SLC39A4: variants seen among roughly 807,000 people sequenced by gnomAD.
SLC39A4 encodes zinc transporter ZIP4.
Under a neutral mutation model 56.6 loss-of-function variants are expected in SLC39A4, and 49 were observed. The ratio of observed to expected loss-of-function variants is 0.87; its 90% CI spans 0.69 to 1.10. The LOEUF (loss-of-function observed/expected upper bound fraction) is 1.10. Among genes scored for constraint, SLC39A4 ranks in the 50% least tolerant of loss-of-function variants. The pLI, the probability that SLC39A4 is intolerant of heterozygous loss-of-function variation, is 0.00. For synonymous variants in SLC39A4, 540 were observed against 420.4 expected (o/e 1.28, Z -3.48); for missense variants, 993 against 864.2 (o/e 1.15, Z -1.87).
intron 6 of SLC39A4, 60 bp downstream of exon 6, chr8:144,414,192 TGGGAGGGCAC>T: frequency 2.5e-6 from 4 of 1,580,374 alleles, no homozygotes; most frequent in African/African-American, 1.3e-5. Context: ...GTAAGGTCCC[TGGGAGGGCAC>T]GGCCTGGGAG....
In SLC39A4 at chr8:144,413,340, G is replaced by C; in HGVS notation, c.1524C>G (p.Asn508Lys). Residue 508 changes from asparagine to lysine, a missense_variant, in exon 10 of 12, where the codon AAC becomes AAG. Asn to Lys is a moderately conservative substitution (Grantham distance 94). Transcript: ENST00000301305. ...CGCCCACGGCCAGCCCGTCGGCGAA[G>C]TTGTGCACGGCGTCGCCCAGAGTGA... ...YMITLGDAVHNFADGLAVGAA... is the reference protein window; with the variant it reads ...YMITLGDAVHKFADGLAVGAA... 2 of 1,606,860 alleles carry C rather than the reference G, an allele frequency of 1.2e-6. No individual in the cohort carries two copies. Among genetic ancestry groups the C allele is most frequent in the Non-Finnish European group, 8.5e-7 (1 of 1,179,388 alleles).
rs1267985765 is a variant in SLC39A4, at chr8:144,416,019, C to T, written c.265G>A (p.Glu89Lys). 2.5e-6 allele frequency: 4 copies of T among 1,579,600 alleles called. No homozygotes were observed. The Admixed American group carries it at 5.3e-5, about 21-fold the overall frequency. The stretch of plus-strand genomic sequence containing the variant: ...CTGAGGCGGGCGACGTACCTGGCCT[C>T]CAGGACCGGGCCCGGGGGCAGCCCT... Reference protein sequence around the residue: ...GSGLPPGPVLEARYVARLSAA... With the variant: ...GSGLPPGPVLKARYVARLSAA... The change falls in exon 2 of 12, where the codon GAG becomes AAG. Residue 89 changes from glutamate (E) to lysine (K), a missense_variant. Transcript: ENST00000301305.
At chr8:144,415,569 A>C in intron 2 of SLC39A4, 150 bp from the exon 3 acceptor site, 1 of 1,159,074 alleles carries the variant, frequency 8.6e-7, no homozygotes, top group Non-Finnish European at 1.2e-6. Context: ...TGCCGGGCCC[A>C]GCTGCTTCAG....
In SLC39A4 at chr8:144,415,886, G is replaced by C. The variant is rs2130802308; in HGVS notation, c.398C>G (p.Pro133Arg). The C allele has an allele frequency of 6.3e-7, 1 of 1,596,242 alleles. No homozygotes were observed. The highest frequency in any genetic ancestry group is 1.3e-5 in the African/African-American group (1 of 74,876). ...GCTCAGGCCCGGGGTCAGGGCCTTG[G>C]GGCTCTCGAGCAGGGCCAGGAGGTG... The part of the protein sequence containing the change: ...ADHLLALLES[P>R]KALTPGLSWL... Residue 133 changes from proline (P) to arginine (R), a missense_variant, in exon 2 of 12, where the codon CCC becomes CGC. Coordinates refer to ENST00000301305, the MANE Select transcript of SLC39A4 (RefSeq NM_130849.4).
chr8:144,416,205 C>A lies in SLC39A4; in HGVS notation c.193-114G>T, dbSNP rs1481864871. On this transcript the variant is annotated intron_variant, in intron 1 of 11. Coordinates refer to ENST00000301305, the MANE Select transcript of SLC39A4 (RefSeq NM_130849.4). The stretch of plus-strand genomic sequence containing the variant: ...TCCCTTTCAAGTCCAACAACGTCCA[C>A]CATCCTCTCTCAACCCCTGGCGCCC... The A allele has an allele frequency of 1.9e-6, 3 of 1,593,076 alleles. No individual in the cohort carries two copies. The highest frequency in any genetic ancestry group is 2.6e-6 in the Non-Finnish European group (3 of 1,176,464).
rs781881640 is a variant in SLC39A4, at chr8:144,416,607, C to T, written c.183G>A (p.Pro61=). 1.8e-5 allele frequency: 29 copies of T among 1,586,886 alleles called. No homozygotes were observed. The highest frequency in any genetic ancestry group is 1.3e-4 in the Admixed American group (7 of 55,382). ...LADRVHCANG[P]CGKCLSVEDA... The stretch of plus-strand genomic sequence containing the variant: ...CGGGTGGGGCTGTTACCTTTCCACA[C>T]GGCCCGTTGGCGCAGTGCACACGGT... Residue 61 remains proline (P), a synonymous_variant, in exon 1 of 12, where the codon CCG becomes CCA. Coordinates refer to ENST00000301305, the MANE Select transcript of SLC39A4 (RefSeq NM_130849.4).
intron 10 of SLC39A4, 91 bp from the exon 11 acceptor site, chr8:144,413,037 G>GCCCA: frequency 3.3e-6 from 4 of 1,213,144 alleles, no homozygotes; most frequent in Non-Finnish European, 4.3e-6. Context: ...ACCAGGCCCC[G>GCCCA]CCCACCTGTT....
rs781883858 is a variant in SLC39A4 at position 144,412,529 on chromosome 8, G to A, written c.*9C>T. The A allele has an allele frequency of 2.5e-6, 4 of 1,614,148 alleles. No individual in the cohort carries two copies. Among genetic ancestry groups the A allele is most frequent in the East Asian group, 4.5e-5 (2 of 44,886 alleles). ...TCTTAAGTCAAAGGTGGGGGACTAG[G>A]GCAGGGTATCAGAAGGTGATGTCAT... On this transcript the variant is annotated 3_prime_UTR_variant, in exon 12 of 12. Transcript: ENST00000301305.
intron 10 of SLC39A4, 38 bp from the exon 11 acceptor site, chr8:144,412,984 G>A (rs1821955252): frequency 6.4e-7 from 1 of 1,553,124 alleles, no homozygotes; most frequent in South Asian, 1.2e-5. Context: ...CGCCCTCCTA[G>A]CTACATGCCC....
intron 5 of SLC39A4, 94 bp from the exon 6 acceptor site, chr8:144,414,528 G>A: frequency 1.3e-6 from 2 of 1,532,240 alleles, no homozygotes; most frequent in Non-Finnish European, 1.8e-6. Flanking sequence ...CCGTCAGTGT[G>A]GGCCAGGCCC....
In SLC39A4 at chr8:144,416,731, GCCGTCA is replaced by G. The variant is rs1564711852; in HGVS notation, c.53_58del (p.Val18_Thr19del). The stretch of plus-strand genomic sequence containing the variant: ...CAGACCAGCAGGCGGGGACGCCGTC[GCCGTCA>G]CCACCAGCACAGCCAGAAGCAGCCC... On this transcript the variant is annotated inframe_deletion, in exon 1 of 12. Transcript: ENST00000301305. 1.2e-6 allele frequency: 2 copies of G among 1,612,342 alleles called. No homozygotes were observed. Among genetic ancestry groups the G allele is most frequent in the African/African-American group, 2.7e-5 (2 of 74,914 alleles).
At chr8:144,414,505 C>T (rs1330784542) in intron 5 of SLC39A4, 71 bp from the exon 6 acceptor site, 1 of 1,544,550 alleles carries the variant, frequency 6.5e-7, no homozygotes, top group Non-Finnish European at 8.7e-7. Context: ...GCGCTGCTCA[C>T]CAGAGCTGCA....
At chr8:144,414,199 G>C in intron 6 of SLC39A4, 63 bp downstream of exon 6, 1 of 1,584,924 alleles carries the variant, frequency 6.3e-7, no homozygotes, top group Non-Finnish European at 8.6e-7. Context: ...CCCTGGGAGG[G>C]CACGGCCTGG....
chr8:144,413,010 G>A (rs1333804311), intron 10 of SLC39A4, 64 bp from the exon 11 acceptor site: 6 of 1,527,140 alleles, frequency 3.9e-6, no homozygotes, highest in Admixed American at 3.9e-5. Context: ...ACCTCCTTTC[G>A]GTCCCGCCCT....
intron 6 of SLC39A4, 60 bp downstream of exon 6, chr8:144,414,202 C>T (rs1871535): frequency 0.97 from 1,548,280 of 1,588,216 alleles, 762,645 homozygotes; most frequent in East Asian, 1. Flanking sequence ...TGGGAGGGCA[C>T]GGCCTGGGAG....
chr8:144,412,792 G>T lies in SLC39A4; in HGVS notation c.1782C>A (p.Thr594=). Residue 594 remains threonine (T), a synonymous_variant, in exon 11 of 12, where the codon ACC becomes ACA. Coordinates refer to ENST00000301305, the MANE Select transcript of SLC39A4 (RefSeq NM_130849.4). The part of the protein sequence containing the change: ...ESEAWILAVA[T]GLFLYVALCD... The stretch of plus-strand genomic sequence containing the variant: ...AGAGTGCTACGTAGAGGAACAGGCC[G>T]GTGGCCACTGCCAGGATCCAGGCCT... 1 of 1,613,110 alleles carries T rather than the reference G, an allele frequency of 6.2e-7. No individual in the cohort carries two copies. Among genetic ancestry groups the T allele is most frequent in the East Asian group, 2.2e-5 (1 of 44,884 alleles).
Position 144,412,681 on chromosome 8 carries a change from G to T in SLC39A4, c.1816-15C>A. On this transcript the variant is annotated splice_polypyrimidine_tract_variant and intron_variant, in intron 11 of 11. Coordinates refer to ENST00000301305, the MANE Select transcript of SLC39A4 (RefSeq NM_130849.4). Reference sequence around the variant, plus strand: ...ATCGCCGGGAGCTGAGGAGCAAGTGGGCACCGGGTCAGCGCCCCTGCTCAG... The same window carrying T: ...ATCGCCGGGAGCTGAGGAGCAAGTGTGCACCGGGTCAGCGCCCCTGCTCAG... The T allele has an allele frequency of 6.2e-7, 1 of 1,613,746 alleles. No individual in the cohort carries two copies. The highest frequency in any genetic ancestry group is 8.5e-7 in the Non-Finnish European group (1 of 1,179,908).
rs533879910 is a variant in SLC39A4 at position 144,414,116 on chromosome 8, G to T, written c.1150-21C>A. 1,400 of 1,554,682 alleles carry T rather than the reference G, an allele frequency of 9.0e-4. 28 individuals are homozygous for T. In the South Asian group the frequency reaches 0.016, roughly 18 times the overall value. On this transcript the variant is annotated intron_variant, in intron 6 of 11. Coordinates refer to ENST00000301305, the MANE Select transcript of SLC39A4 (RefSeq NM_130849.4). ...AGCACCTGGGGAGTAGGGGCGCTGGGCTGGGGGGGAGGTCCCAGGGCGCCT... is the reference window on the plus strand; with the variant it reads ...AGCACCTGGGGAGTAGGGGCGCTGGTCTGGGGGGGAGGTCCCAGGGCGCCT...
chr8:144,414,874 A>G lies in SLC39A4; in HGVS notation c.827T>C (p.Val276Ala). Reference sequence around the variant, plus strand: ...TTCCGACAGTCCATATGCAGCCATCACGTCCCTGGCACTCAGGCATACCTG... The same window carrying G: ...TTCCGACAGTCCATATGCAGCCATCGCGTCCCTGGCACTCAGGCATACCTG... Reference protein sequence around the residue: ...WDTVCLSARDVMAAYGLSEQA... With the variant: ...WDTVCLSARDAMAAYGLSEQA... The change falls in exon 5 of 12, where the codon GTG becomes GCG. Residue 276 changes from valine to alanine, a missense_variant. Transcript: ENST00000301305. 6.2e-7 allele frequency: 1 copy of G among 1,613,284 alleles called. No individual in the cohort carries two copies. The highest frequency in any genetic ancestry group is 2.2e-5 in the East Asian group (1 of 44,870).
Sources: allele counts gnomAD v4.1 joint callset, GRCh38; gene constraint gnomAD v4.1.1; transcripts MANE v1.5; gene names NCBI Gene and HGNC (gene_info 2026-07-23, HGNC 2026-07-21).